Variants in DTX4 observed in about 807,000 individuals in gnomAD.
DTX4 encodes the protein E3 ubiquitin-protein ligase DTX4.
DTX4 carries 28 observed loss-of-function variants against 57.6 expected under a neutral mutation model. The observed-to-expected ratio is 0.49, with a 90% CI of 0.36 to 0.67. DTX4 has a LOEUF of 0.67. Ranked by LOEUF, DTX4 falls within the 30% of genes least tolerant of loss-of-function variation. The pLI is 0.00. For missense variants in DTX4, 715 were observed against 836.8 expected (o/e 0.85, Z 1.80); for synonymous variants, 316 against 331.0 (o/e 0.95, Z 0.49).
rs748517603 is a variant in DTX4 at position 59,192,130 on chromosome 11, C to T, written c.1254C>T (p.Ala418=). The T allele has an allele frequency of 1.9e-6, 3 of 1,613,704 alleles. No individual in the cohort carries two copies. The African/African-American group carries it at 4.0e-5, about 22-fold the overall frequency. ...CCATCTGTATGGAACGCCTCACGGC[C>T]CCCTCAGGCTACAAGGGCCCGCAGC... is the stretch of plus-strand genomic sequence containing the variant. The part of the protein sequence containing the change: ...DCTICMERLT[A]PSGYKGPQPT... The change falls in exon 6 of 9, where the codon GCC becomes GCT. Residue 418 remains alanine, a synonymous_variant. Transcript: ENST00000227451.
At position 59,189,160 on chromosome 11, in the gene DTX4, A is replaced by G. The variant is rs1411430051; in HGVS notation, c.998-2A>G. On this transcript the variant is annotated splice_acceptor_variant, in intron 3 of 8. Transcript: ENST00000227451. LOFTEE classifies it high-confidence loss of function. The stretch of plus-strand genomic sequence containing the variant: ...TCCTCACCCATGCCCTGCCCCTTCC[A>G]GGAATCACTGGGATCCTCATGAGTG... 1.2e-6 allele frequency: 2 copies of G among 1,613,162 alleles called. No homozygotes were observed. The highest frequency in any genetic ancestry group is 1.7e-6 in the Non-Finnish European group (2 of 1,179,796).
chr11:59,189,955 A>T (rs960729236), intron 4 of DTX4, among the ~76,000 whole-genome samples: 3 of 152,178 alleles, frequency 2.0e-5, no homozygotes, highest in African/African-American at 4.8e-5. Context: ...GGTCACTGGC[A>T]TTAGTTGTTA....
chr11:59,194,123 C>A (rs888144510), intron 6 of DTX4, among the ~76,000 whole-genome samples: 1 of 152,138 alleles, frequency 6.6e-6, no homozygotes, highest in East Asian at 1.9e-4. Flanking sequence ...ATGGAGCCAC[C>A]GAGTTGCAAT....
At chr11:59,182,585 C>T (rs1294004636) in intron 2 of DTX4, 123 bp downstream of exon 2, 1 of 1,345,578 alleles carries the variant, frequency 7.4e-7, no homozygotes, top group Admixed American at 2.9e-5. Context: ...TGACCCCTGG[C>T]TGCAGGTGAA....
chr11:59,204,655 G>A (rs796605154), intron 8 of DTX4, 21 bp from the exon 9 acceptor site: 1 of 1,600,082 alleles, frequency 6.2e-7, no homozygotes, highest in Non-Finnish European at 8.5e-7. Context: ...TGCCTTTCAT[G>A]TCCCACTTTT....
Position 59,207,976 on chromosome 11 carries a change from C to T in DTX4, c.*3067C>T, listed in dbSNP as rs1862836114. ...GGCTCACTGGTACAAGAAAGGACCC[C>T]TGACCCCTTTCCTTCTCTGTGGTCC... On this transcript the variant is annotated 3_prime_UTR_variant, in exon 9 of 9. Coordinates refer to ENST00000227451, the MANE Select transcript of DTX4 (RefSeq NM_015177.2). 6.6e-6 allele frequency: 1 copy of T among 152,610 alleles called. No homozygotes were observed. Among genetic ancestry groups the T allele is most frequent in the Admixed American group, 6.6e-5 (1 of 15,260 alleles). 9.5% of individuals were successfully genotyped at this position (152,610 alleles called of 1,614,324 possible). A position where few individuals can be genotyped will look rare whatever the true frequency, so the allele number is the denominator to read the frequency against.
intron 8 of DTX4, among the ~76,000 whole-genome samples, chr11:59,200,535 A>G (rs1045011541): frequency 1.3e-5 from 2 of 152,322 alleles, no homozygotes; most frequent in Non-Finnish European, 1.5e-5. Context: ...TGATCTGACA[A>G]CACATTGAAG....
chr11:59,191,513 C>T (rs1455858008), intron 5 of DTX4, among the ~76,000 whole-genome samples: 1 of 152,218 alleles, frequency 6.6e-6, no homozygotes, highest in African/African-American at 2.4e-5. Context: ...GACAATTTGG[C>T]CCCTGAGGGA....
At chr11:59,185,786 A>AT (rs1222354069) in intron 2 of DTX4, among the ~76,000 whole-genome samples, 1 of 152,190 alleles carries the variant, frequency 6.6e-6, no homozygotes, top group Non-Finnish European at 1.5e-5. Flanking sequence ...TGCCCCTTTT[A>AT]TACTTGGGAG....
chr11:59,194,942 C>T, intron 6 of DTX4: 1 of 492,152 alleles, frequency 2.0e-6, no homozygotes, highest in Non-Finnish European at 3.6e-6. Context: ...CCCTAGAGAG[C>T]TGGTCCCCTC....
chr11:59,189,320 A>G lies in DTX4; in HGVS notation c.1156A>G (p.Lys386Glu). 1 of 1,549,198 alleles carries G rather than the reference A, an allele frequency of 6.5e-7. No individual in the cohort carries two copies. The highest frequency in any genetic ancestry group is 1.2e-5 in the South Asian group (1 of 83,612). ...CAAGACCACCAAAAAACAAGCCAAG[A>G]AAGGTACCAGCCTCTTGTCTCGTGG... The part of the protein sequence containing the change: ...SRKTTKKQAK[K>E]GKTPEEVLKK... The change falls in exon 4 of 9, where the codon AAA becomes GAA. Residue 386 changes from lysine (K) to glutamate (E), a missense_variant. Coordinates refer to ENST00000227451, the MANE Select transcript of DTX4 (RefSeq NM_015177.2).
chr11:59,181,163 C>G (rs1862457671), intron 1 of DTX4, among the ~76,000 whole-genome samples: 2 of 152,114 alleles, frequency 1.3e-5, no homozygotes, highest in Admixed American at 1.3e-4. Flanking sequence ...TATTCTTTTC[C>G]TCATGACTCT....
chr11:59,179,129 A>G (rs1319257962), intron 1 of DTX4, among the ~76,000 whole-genome samples: 6 of 152,196 alleles, frequency 3.9e-5, no homozygotes, highest in African/African-American at 1.4e-4. Flanking sequence ...AGAATATAAA[A>G]TAGTGCCATT....
upstream of DTX4, among the ~76,000 whole-genome samples, chr11:59,172,061 G>T (rs531204349): frequency 1.1e-3 from 167 of 151,730 alleles, 1 homozygote; most frequent in Middle Eastern, 0.01. Flanking sequence ...CTCTCCCAGC[G>T]GCGGGGACTG....
At chr11:59,176,289 C>A (rs532149091) in intron 1 of DTX4, among the ~76,000 whole-genome samples, 1 of 152,352 alleles carries the variant, frequency 6.6e-6, no homozygotes, top group African/African-American at 2.4e-5. Flanking sequence ...AAGCACCTTG[C>A]ACACACTATC....
intron 5 of DTX4, 70 bp from the exon 6 acceptor site, chr11:59,192,028 A>G: frequency 1.3e-6 from 2 of 1,558,608 alleles, no homozygotes; most frequent in Non-Finnish European, 8.8e-7. Flanking sequence ...CTGACCTCTG[A>G]GATCATGTGG....
At chr11:59,202,644 T>C (rs1862753050) in intron 8 of DTX4, among the ~76,000 whole-genome samples, 1 of 152,186 alleles carries the variant, frequency 6.6e-6, no homozygotes, top group Admixed American at 6.5e-5. Context: ...ATTCAGACCA[T>C]GGGCTATGGA....
Position 59,180,504 on chromosome 11 carries a change from G to A in DTX4, c.212-1235G>A, listed in dbSNP as rs79851034. On this transcript the variant is annotated intron_variant, in intron 1 of 8. Coordinates refer to ENST00000227451, the MANE Select transcript of DTX4 (RefSeq NM_015177.2). ...TGAATGGGATTCTGTCCCCAGTCTT[G>A]GTGTATCCCTCTGGGTTGGAGGAGG... is the stretch of plus-strand genomic sequence containing the variant. 2.6e-4 allele frequency among the ~76,000 whole-genome samples: 40 copies of A among 152,292 alleles called. 2 individuals carry two copies. In the East Asian group the frequency reaches 7.7e-3, roughly 29 times the overall value.
chr11:59,188,436 T>C (rs1054065964), intron 2 of DTX4, among the ~76,000 whole-genome samples: 2 of 152,122 alleles, frequency 1.3e-5, no homozygotes, highest in Admixed American at 1.3e-4. Context: ...CCTGGCTCCT[T>C]GAGAGCTGAG....
Sources: gnomAD v4.1 joint callset for allele counts (sites outside exome capture counted in the v4.1 genomes callset) on GRCh38, gnomAD v4.1.1 for gene constraint, MANE v1.5 for transcripts, NCBI Gene and HGNC (gene_info 2026-07-23, HGNC 2026-07-21) for gene names.